The following PCDHGA12 variants were observed in gnomAD, a reference collection of about 807,000 sequenced individuals.
PCDHGA12 encodes the protein protocadherin gamma-A12.
Under a neutral mutation model 61.1 loss-of-function variants are expected in PCDHGA12, and 43 were observed. The observed-to-expected ratio is 0.70, with a 90% CI of 0.55 to 0.91. The LOEUF (loss-of-function observed/expected upper bound fraction) is 0.91. Ranked by LOEUF, PCDHGA12 falls within the 40% of genes least tolerant of loss-of-function variation. The pLI is 0.00. For missense variants in PCDHGA12, 1,236 were observed against 1,227.7 expected (o/e 1.01, Z -0.10); for synonymous variants, 520 against 542.9 (o/e 0.96, Z 0.59).
At chr5:141,510,917 C>A in intron 3 of PCDHGA12, 30 bp from the exon 4 acceptor site, 2 of 1,613,854 alleles carry the variant, frequency 1.2e-6, no homozygotes, top group Non-Finnish European at 8.5e-7. Flanking sequence ...CTAAGTTTAG[C>A]TCCCACCTGA....
At chr5:141,500,184 TTTTATTTATTTA>T (rs58019021) in intron 2 of PCDHGA12, among the ~76,000 whole-genome samples, 197 of 135,960 alleles carry the variant, frequency 1.4e-3, no homozygotes, top group African/African-American at 3.6e-3. Context: ...TCATTTTTAT[TTTTATTTATTTA>T]TTTATTTATT....
chr5:141,477,970 T>G lies in PCDHGA12; in HGVS notation c.2425-16837T>G. ...TCTTGGGATCCCCTAACCAGAGCCTTTTTGCCATAGGGCTGCACACTGGTC... is the reference window on the plus strand; with the variant it reads ...TCTTGGGATCCCCTAACCAGAGCCTGTTTGCCATAGGGCTGCACACTGGTC... On this transcript the variant is annotated intron_variant, in intron 1 of 3. Coordinates refer to ENST00000252085, the MANE Select transcript of PCDHGA12 (RefSeq NM_003735.3). This position sits in a 1 kb window ranked among gnomAD's most constrained non-coding sequence, Gnocchi z 4.9. 1 of 1,614,090 alleles carries G rather than the reference T, an allele frequency of 6.2e-7. No homozygotes were observed. The highest frequency in any genetic ancestry group is 8.5e-7 in the Non-Finnish European group (1 of 1,180,002).
At position 141,498,920 on chromosome 5, in the gene PCDHGA12, G is replaced by A. The variant is rs930391165; in HGVS notation, c.2483+4055G>A. On this transcript the variant is annotated intron_variant, in intron 2 of 3. Transcript: ENST00000252085. ...TGCACTCCAGTCTGGGTGACAGAGC[G>A]AGACTCCATCAGGAAAGAAAGAAAG... 3.3e-4 allele frequency among the ~76,000 whole-genome samples: 47 copies of A among 142,950 alleles called. 1 individual carries two copies. Among genetic ancestry groups the A allele is most frequent in the African/African-American group, 8.9e-4 (35 of 39,160 alleles). The allele number at this position is 142,950 out of a possible 152,430, so 93.8% of individuals were successfully genotyped here. A position where few individuals can be genotyped will look rare whatever the true frequency, so the allele number is the denominator to read the frequency against.
chr5:141,476,837 G>A lies in PCDHGA12; in HGVS notation c.2425-17970G>A, dbSNP rs1160244271. 4 of 1,613,534 alleles carry A rather than the reference G, an allele frequency of 2.5e-6. No individual in the cohort carries two copies. The highest frequency in any genetic ancestry group is 3.4e-6 in the Non-Finnish European group (4 of 1,180,054). On this transcript the variant is annotated intron_variant, in intron 1 of 3. Coordinates refer to ENST00000252085, the MANE Select transcript of PCDHGA12 (RefSeq NM_003735.3). The surrounding 1 kb of genome is among the most constrained non-coding windows in gnomAD (Gnocchi z 7.6). Reference sequence around the variant, plus strand: ...CAAGGTGCTGGACGCGAATGACAATGCGCCTGTCTTCAACCAGTCCTTGTA... The same window carrying A: ...CAAGGTGCTGGACGCGAATGACAATACGCCTGTCTTCAACCAGTCCTTGTA...
chr5:141,487,058 C>T lies in PCDHGA12; in HGVS notation c.2425-7749C>T, dbSNP rs775720601. 23 of 1,613,980 alleles carry T rather than the reference C, an allele frequency of 1.4e-5. No individual in the cohort carries two copies. The highest frequency in any genetic ancestry group is 1.0e-4 in the Admixed American group (6 of 59,996). ...AGTCTCTCGATATGCTGGGGAGGTGCGGACGGCTGTTCCTATCCCAGCTGA... is the reference window on the plus strand; with the variant it reads ...AGTCTCTCGATATGCTGGGGAGGTGTGGACGGCTGTTCCTATCCCAGCTGA... On this transcript the variant is annotated intron_variant, in intron 1 of 3. Transcript: ENST00000252085. The surrounding 1 kb of genome is among the most constrained non-coding windows in gnomAD (Gnocchi z 5.0).
At chr5:141,494,965 C>T in intron 2 of PCDHGA12, 100 bp downstream of exon 2, 1 of 1,592,636 alleles carries the variant, frequency 6.3e-7, no homozygotes, top group Non-Finnish European at 8.6e-7. Context: ...CTACAGATGG[C>T]TTCTCCCTCA....
intron 1 of PCDHGA12, among the ~76,000 whole-genome samples, chr5:141,450,487 G>A (rs1379694010): frequency 1.3e-5 from 2 of 151,938 alleles, no homozygotes; most frequent in African/African-American, 2.4e-5. Context: ...TTGTTTGTTT[G>A]TCTGTTTGTT....
intron 1 of PCDHGA12, among the ~76,000 whole-genome samples, chr5:141,450,047 C>T (rs2098667027): frequency 2.2e-5 from 3 of 136,836 alleles, no homozygotes; most frequent in African/African-American, 8.5e-5. Flanking sequence ...CACTCTTTCG[C>T]CCAGGCTGGA....
chr5:141,494,586 G>A (rs770159202), intron 1 of PCDHGA12, among the ~76,000 whole-genome samples: 1 of 152,112 alleles, frequency 6.6e-6, no homozygotes, highest in Non-Finnish European at 1.5e-5. Context: ...GCTCACTGTG[G>A]TCAGATGAAA....
At chr5:141,478,305 C>G in intron 1 of PCDHGA12, 1 of 1,614,092 alleles carries the variant, frequency 6.2e-7, no homozygotes, top group Non-Finnish European at 8.5e-7. Context: ...TACCGAGCCC[C>G]GGTGAGCTCA....
rs934674909 is a variant in PCDHGA12, at chr5:141,511,083, A to C, written c.2709A>C (p.Thr903=). Residue 903 remains threonine, a synonymous_variant, in exon 4 of 4, where the codon ACA becomes ACC. Transcript: ENST00000252085. The part of the protein sequence containing the change: ...QNVYIPGSNA[T]LTNAAGKRDG... Reference sequence around the variant, plus strand: ...TCTACATCCCAGGCAGCAATGCCACACTGACCAACGCAGCTGGCAAGCGGG... The same window carrying C: ...TCTACATCCCAGGCAGCAATGCCACCCTGACCAACGCAGCTGGCAAGCGGG... 1.2e-6 allele frequency: 2 copies of C among 1,614,108 alleles called. No homozygotes were observed. Among genetic ancestry groups the C allele is most frequent in the African/African-American group, 2.7e-5 (2 of 74,940 alleles).
chr5:141,448,851 A>T (rs1374003271), intron 1 of PCDHGA12, among the ~76,000 whole-genome samples: 1 of 152,124 alleles, frequency 6.6e-6, no homozygotes, highest in Admixed American at 6.5e-5. Context: ...AGGCTGAGGC[A>T]GGAGAATGGC....
In PCDHGA12 at chr5:141,476,853, A is replaced by G; in HGVS notation, c.2425-17954A>G. ...AATGACAATGCGCCTGTCTTCAACCAGTCCTTGTACCGGGCGCGCGTCCTG... is the reference window on the plus strand; with the variant it reads ...AATGACAATGCGCCTGTCTTCAACCGGTCCTTGTACCGGGCGCGCGTCCTG... On this transcript the variant is annotated intron_variant, in intron 1 of 3. Coordinates refer to ENST00000252085, the MANE Select transcript of PCDHGA12 (RefSeq NM_003735.3). This position sits in a 1 kb window ranked among gnomAD's most constrained non-coding sequence, Gnocchi z 7.6. The G allele has an allele frequency of 6.2e-7, 1 of 1,613,870 alleles. No individual in the cohort carries two copies. Among genetic ancestry groups the G allele is most frequent in the Non-Finnish European group, 8.5e-7 (1 of 1,180,042 alleles).
In PCDHGA12 at chr5:141,431,620, G is replaced by T; in HGVS notation, c.861G>T (p.Lys287Asn). 6.2e-7 allele frequency: 1 copy of T among 1,614,232 alleles called. No individual in the cohort carries two copies. The highest frequency in any genetic ancestry group is 8.5e-7 in the Non-Finnish European group (1 of 1,180,050). ...VRYSFRYVDD[K>N]AAQVFKLDCN... Reference sequence around the variant, plus strand: ...ATTCCTTCCGGTATGTGGACGACAAGGCGGCCCAAGTTTTCAAACTAGATT... The same window carrying T: ...ATTCCTTCCGGTATGTGGACGACAATGCGGCCCAAGTTTTCAAACTAGATT... Residue 287 changes from lysine (K) to asparagine (N), a missense_variant, in exon 1 of 4, where the codon AAG (lysine) becomes AAT (asparagine). Transcript: ENST00000252085. The surrounding 1 kb of genome is among the most constrained non-coding windows in gnomAD (Gnocchi z 4.8).
intron 1 of PCDHGA12, among the ~76,000 whole-genome samples, chr5:141,472,409 C>T (rs2099279484): frequency 6.6e-6 from 1 of 152,016 alleles, no homozygotes; most frequent in South Asian, 2.1e-4. Flanking sequence ...GGCGTGGTGG[C>T]ACGCACCTGT....
chr5:141,438,065 C>T (rs1385128405), intron 1 of PCDHGA12, among the ~76,000 whole-genome samples: 1 of 151,996 alleles, frequency 6.6e-6, no homozygotes, highest in Non-Finnish European at 1.5e-5. Flanking sequence ...TTTAAGAAAC[C>T]ATACTTAATG....
chr5:141,450,107 A>G (rs1228532939), intron 1 of PCDHGA12, among the ~76,000 whole-genome samples: 3 of 150,976 alleles, frequency 2.0e-5, no homozygotes, highest in Non-Finnish European at 4.4e-5. Flanking sequence ...CCCAGGTTCA[A>G]ATGATTCTCC....
Position 141,512,559 on chromosome 5 carries a change from C to T in PCDHGA12, c.*1386C>T, listed in dbSNP as rs1396321304. The T allele has an allele frequency of 6.5e-6, 1 of 152,904 alleles. No individual in the cohort carries two copies. The highest frequency in any genetic ancestry group is 1.5e-5 in the Non-Finnish European group (1 of 68,438). The allele number at this position is 152,904 out of a possible 1,614,324, so 9.5% of individuals were successfully genotyped here. ...CCCCAGTGCCTCCTTGTGCATAGAC[C>T]TTCTTCTCCCACCCCCTTCTGCCCC... On this transcript the variant is annotated 3_prime_UTR_variant, in exon 4 of 4. Coordinates refer to ENST00000252085, the MANE Select transcript of PCDHGA12 (RefSeq NM_003735.3).
intron 2 of PCDHGA12, among the ~76,000 whole-genome samples, chr5:141,503,984 C>T (rs967348519): frequency 2.0e-5 from 3 of 152,184 alleles, no homozygotes; most frequent in African/African-American, 7.2e-5. Context: ...AACCCTTCTT[C>T]TTACCTTACA....
Sources: allele counts gnomAD v4.1 joint callset (sites outside exome capture counted in the v4.1 genomes callset), GRCh38; gene constraint gnomAD v4.1.1; non-coding constraint Gnocchi (gnomAD v3.1); transcripts MANE v1.5; gene names NCBI Gene and HGNC (gene_info 2026-07-23, HGNC 2026-07-21).